Variants in KTN1 observed in about 807,000 individuals in gnomAD.
KTN1 encodes kinectin 1.
In KTN1, 130 loss-of-function variants were observed where a neutral mutation model predicts 222.5. The observed-to-expected ratio is 0.58, with a 90% CI of 0.51 to 0.68. KTN1 has a LOEUF of 0.68. Ranked by LOEUF, KTN1 falls within the 30% of genes least tolerant of loss-of-function variation. The pLI is 0.00. For missense variants in KTN1, 1,508 were observed against 1,500.4 expected, an observed-to-expected ratio of 1.01 and a Z score of -0.08; for synonymous variants, 512 against 496.3, an observed-to-expected ratio of 1.03 and a Z score of -0.42.
At chr14:55,599,851 T>C (rs540760920) in intron 1 of KTN1, among the ~76,000 whole-genome samples, 8 of 152,238 alleles carry the variant, frequency 5.3e-5, no homozygotes, top group African/African-American at 1.9e-4. Context: ...GCAAACAAGC[T>C]TTCTCTTGTG....
At chr14:55,657,396 CGT>C (rs1491476701) in intron 29 of KTN1, among the ~76,000 whole-genome samples, 8 of 115,648 alleles carry the variant, frequency 6.9e-5, no homozygotes, top group African/African-American at 2.0e-4. Context: ...ACTGAGTTGA[CGT>C]TTTTTTTTTT....
chr14:55,584,337 AGAC>A (rs1298396577), intron 1 of KTN1, among the ~76,000 whole-genome samples: 1 of 152,222 alleles, frequency 6.6e-6, no homozygotes, highest in East Asian at 1.9e-4. Context: ...TAAACAAAAC[AGAC>A]GAAAAGCTCT....
chr14:55,678,485 C>G, intron 42 of KTN1, 41 bp downstream of exon 42: 1 of 1,265,424 alleles, frequency 7.9e-7, no homozygotes, highest in East Asian at 2.3e-5. Flanking sequence ...AGCTAGTTAC[C>G]TTGTGACCTG....
intron 1 of KTN1, among the ~76,000 whole-genome samples, chr14:55,599,579 A>G (rs2035642540): frequency 6.6e-6 from 1 of 152,054 alleles, no homozygotes; most frequent in Admixed American, 6.6e-5. Context: ...ATTCAAAGCG[A>G]TTCTCCTGCC....
intron 1 of KTN1, among the ~76,000 whole-genome samples, chr14:55,581,878 C>T (rs1023536609): frequency 2.6e-5 from 4 of 151,524 alleles, no homozygotes; most frequent in African/African-American, 4.9e-5. Flanking sequence ...GATGTGCTGC[C>T]TGATAAAAAA....
intron 11 of KTN1, among the ~76,000 whole-genome samples, 157 bp downstream of exon 11, chr14:55,637,521 T>C (rs2041274763): frequency 6.6e-6 from 1 of 151,812 alleles, no homozygotes; most frequent in Non-Finnish European, 1.5e-5. Flanking sequence ...CAATATGGTG[T>C]GTTTGAAGGT....
rs767610034 is a variant in KTN1, at chr14:55,653,540, A to G, written c.2764-19A>G. Reference sequence around the variant, plus strand: ...ACATTTAATGCTAACAGCATTAAAAATATGATTCTGTTTCTCAGGCCTCTT... The same window carrying G: ...ACATTTAATGCTAACAGCATTAAAAGTATGATTCTGTTTCTCAGGCCTCTT... On this transcript the variant is annotated intron_variant, in intron 27 of 43. Transcript: ENST00000395314. 7.5e-6 allele frequency: 12 copies of G among 1,602,876 alleles called. No individual in the cohort carries two copies. Among genetic ancestry groups the G allele is most frequent in the Non-Finnish European group, 1.0e-5 (12 of 1,171,090 alleles).
Position 55,634,674 on chromosome 14 carries a change from C to G in KTN1, c.1461+16C>G. On this transcript the variant is annotated intron_variant, in intron 9 of 43. Transcript: ENST00000395314. ...TCAGTTGAAGGTGATATATTCTCACCTTTATTTGTCATTTCATGAATAATA... is the reference window on the plus strand; with the variant it reads ...TCAGTTGAAGGTGATATATTCTCACGTTTATTTGTCATTTCATGAATAATA... 1 of 1,600,614 alleles carries G rather than the reference C, an allele frequency of 6.2e-7. No individual in the cohort carries two copies. The highest frequency in any genetic ancestry group is 1.1e-5 in the South Asian group (1 of 88,802).
intron 12 of KTN1, 77 bp downstream of exon 12, chr14:55,637,924 C>A: frequency 9.6e-7 from 1 of 1,045,344 alleles, no homozygotes; most frequent in Non-Finnish European, 1.5e-6. Flanking sequence ...TGTTGAGTGC[C>A]AATTACTGGA....
intron 28 of KTN1, among the ~76,000 whole-genome samples, chr14:55,654,886 C>T (rs147981146): frequency 6.3e-4 from 96 of 152,282 alleles, no homozygotes; most frequent in African/African-American, 2.1e-3. Flanking sequence ...CAGCACCCCC[C>T]GGCAACCAAT....
chr14:55,661,335 G>T (rs1276591099), intron 31 of KTN1, 187 bp from the exon 32 acceptor site: 1 of 472,350 alleles, frequency 2.1e-6, no homozygotes, highest in East Asian at 3.3e-5. Context: ...ACTTATATTA[G>T]AAATCATTTC....
intron 5 of KTN1, among the ~76,000 whole-genome samples, chr14:55,620,496 A>C (rs1272129905): frequency 6.6e-6 from 1 of 152,234 alleles, no homozygotes; most frequent in East Asian, 1.9e-4. Flanking sequence ...CTGGACATCC[A>C]GGTGTTTCCA....
chr14:55,676,223 G>A (rs2045881784), intron 41 of KTN1, among the ~76,000 whole-genome samples: 2 of 151,998 alleles, frequency 1.3e-5, no homozygotes, highest in Non-Finnish European at 2.9e-5. Context: ...TTAAAATTGG[G>A]ATTTGGCTGT....
chr14:55,627,342 T>G (rs927789597), intron 5 of KTN1, among the ~76,000 whole-genome samples: 8 of 152,166 alleles, frequency 5.3e-5, no homozygotes, highest in Non-Finnish European at 1.0e-4. Context: ...TATTTGGCAG[T>G]TATTTTACTT....
chr14:55,655,277 C>A (rs532196734), intron 28 of KTN1, among the ~76,000 whole-genome samples: 1 of 152,154 alleles, frequency 6.6e-6, no homozygotes, highest in Non-Finnish European at 1.5e-5. Flanking sequence ...CCATGCTCAC[C>A]CTTGGATTGC....
chr14:55,602,394 G>A (rs1175883654), intron 1 of KTN1, among the ~76,000 whole-genome samples: 1 of 152,150 alleles, frequency 6.6e-6, no homozygotes, highest in Non-Finnish European at 1.5e-5. Context: ...CTCTAGTTAG[G>A]TTTGTAGATA....
At chr14:55,606,546 T>G (rs750304919) in intron 1 of KTN1, among the ~76,000 whole-genome samples, 5 of 152,174 alleles carry the variant, frequency 3.3e-5, no homozygotes, top group Non-Finnish European at 7.4e-5. Flanking sequence ...TTTCATTGTT[T>G]TTAATGTGAA....
intron 40 of KTN1, 57 bp downstream of exon 40, chr14:55,673,312 A>AT: frequency 8.9e-7 from 1 of 1,122,618 alleles, no homozygotes; most frequent in Non-Finnish European, 1.3e-6. Flanking sequence ...CTTTATTGAC[A>AT]TGTGGAGAAA....
At chr14:55,661,818 T>A (rs1286840344) in intron 32 of KTN1, 2 of 353,462 alleles carry the variant, frequency 5.7e-6, no homozygotes, top group African/African-American at 4.2e-5. Flanking sequence ...GAATTCTTAT[T>A]CTTATAAATA....
Sources: gnomAD v4.1 joint callset for allele counts (sites outside exome capture counted in the v4.1 genomes callset) on GRCh38, gnomAD v4.1.1 for gene constraint, MANE v1.5 for transcripts, NCBI Gene and HGNC (gene_info 2026-07-23, HGNC 2026-07-21) for gene names.